The following ADAMTS6 variants were observed in gnomAD, a reference collection of about 807,000 sequenced individuals.
ADAMTS6 encodes A disintegrin and metalloproteinase with thrombospondin motifs 6.
ADAMTS6 carries 23 observed loss-of-function variants against 144.3 expected under a neutral mutation model. The observed-to-expected ratio is 0.16, with a 90% CI of 0.11 to 0.23. The LOEUF (loss-of-function observed/expected upper bound fraction) is 0.23, where lower values mean the gene tolerates loss of function less well. Ranked by LOEUF, ADAMTS6 falls within the 10% of genes least tolerant of loss-of-function variation. The pLI, the probability that ADAMTS6 is intolerant of heterozygous loss-of-function variation, is 1.00. For synonymous variants in ADAMTS6, 444 were observed against 457.5 expected (o/e 0.97, Z 0.38); for missense variants, 999 against 1,379.6 (o/e 0.72, Z 4.37).
At chr5:65,220,466 C>T (rs528354237) in intron 18 of ADAMTS6, among the ~76,000 whole-genome samples, 6 of 152,102 alleles carry the variant, frequency 3.9e-5, no homozygotes, top group Non-Finnish European at 7.4e-5. Flanking sequence ...GGGAATTAGC[C>T]GGGCGCAGTG....
chr5:65,307,407 G>C (rs764290221), intron 9 of ADAMTS6, among the ~76,000 whole-genome samples: 1 of 152,222 alleles, frequency 6.6e-6, no homozygotes, highest in Non-Finnish European at 1.5e-5. Flanking sequence ...CTGAATCTCA[G>C]TGGAGGTCGA....
intron 15 of ADAMTS6, among the ~76,000 whole-genome samples, 161 bp downstream of exon 15, chr5:65,241,943 T>C (rs1340234369): frequency 6.6e-6 from 1 of 152,202 alleles, no homozygotes; most frequent in Non-Finnish European, 1.5e-5. Flanking sequence ...AAATAAACCA[T>C]GAAGCCTTTA....
chr5:65,381,976 A>G (rs1348425274), intron 7 of ADAMTS6, among the ~76,000 whole-genome samples: 1 of 152,222 alleles, frequency 6.6e-6, no homozygotes, highest in Non-Finnish European at 1.5e-5. Flanking sequence ...ATGGTAATAT[A>G]TCATAATGCT....
intron 12 of ADAMTS6, among the ~76,000 whole-genome samples, chr5:65,269,442 C>T (rs182844518): frequency 5.9e-5 from 9 of 152,198 alleles, no homozygotes; most frequent in Admixed American, 1.3e-4. Context: ...CTGTTTAGTA[C>T]TAAAGGGCGA....
chr5:65,417,334 A>G (rs780856091), intron 7 of ADAMTS6, among the ~76,000 whole-genome samples: 8 of 152,134 alleles, frequency 5.3e-5, no homozygotes, highest in African/African-American at 1.2e-4. Context: ...AAGGATGACC[A>G]CTCTCACCAT....
chr5:65,271,378 A>G (rs944873171), intron 12 of ADAMTS6, among the ~76,000 whole-genome samples: 1 of 22,688 alleles, frequency 4.4e-5, no homozygotes, highest in Non-Finnish European at 8.9e-5. Context: ...ACTCCGTCTA[A>G]AAAAAAAAAA....
intron 7 of ADAMTS6, among the ~76,000 whole-genome samples, chr5:65,445,032 T>C (rs1353752617): frequency 6.6e-6 from 1 of 152,220 alleles, no homozygotes; most frequent in Non-Finnish European, 1.5e-5. Context: ...CATCAATACA[T>C]CCATAAAACC....
At chr5:65,418,626 G>A (rs1008658145) in intron 7 of ADAMTS6, among the ~76,000 whole-genome samples, 5 of 152,032 alleles carry the variant, frequency 3.3e-5, no homozygotes, top group African/African-American at 4.8e-5. Context: ...ATGGGAGAAT[G>A]GAAGAAAATA....
rs558197940 is a variant in ADAMTS6 at position 65,460,141 on chromosome 5, C to T, written c.631+29G>A. On this transcript the variant is annotated intron_variant, in intron 4 of 24. Transcript: ENST00000381055. ...GAAAAAGCAGCAATCCAGTACAATA[C>T]GCTTTGTAAAAGCTGCACACTCACT... is the stretch of plus-strand genomic sequence containing the variant. The T allele has an allele frequency of 4.3e-5, 70 of 1,610,930 alleles. No individual in the cohort carries two copies. The East Asian group carries it at 1.4e-3, about 33-fold the overall frequency.
chr5:65,225,957 T>C, intron 16 of ADAMTS6, 129 bp downstream of exon 16: 1 of 999,036 alleles, frequency 1.0e-6, no homozygotes, highest in Non-Finnish European at 1.4e-6. Flanking sequence ...TTACTCTTAA[T>C]GGAAATTGAA....
intron 7 of ADAMTS6, among the ~76,000 whole-genome samples, chr5:65,418,175 T>G (rs1384633522): frequency 6.6e-6 from 1 of 152,106 alleles, no homozygotes; most frequent in East Asian, 1.9e-4. Context: ...ATATTCAAAA[T>G]GAAACTGGGC....
At chr5:65,420,932 C>T (rs1168623802) in intron 7 of ADAMTS6, among the ~76,000 whole-genome samples, 1 of 152,122 alleles carries the variant, frequency 6.6e-6, no homozygotes, top group Non-Finnish European at 1.5e-5. Context: ...ATGTTCTACT[C>T]CTTTACCTCG....
At chr5:65,278,440 C>T (rs1298116044) in intron 11 of ADAMTS6, among the ~76,000 whole-genome samples, 1 of 152,134 alleles carries the variant, frequency 6.6e-6, no homozygotes, top group Non-Finnish European at 1.5e-5. Flanking sequence ...TTTACATGTC[C>T]ATCAGCAATG....
rs774657020 is a variant in ADAMTS6, at chr5:65,197,256, C to T, written c.2576-105G>A. Reference sequence around the variant, plus strand: ...GGAATTGACCTCACTGGATCGCTGCCGTCTTATCTGTTCCACATTGGACTG... The same window carrying T: ...GGAATTGACCTCACTGGATCGCTGCTGTCTTATCTGTTCCACATTGGACTG... On this transcript the variant is annotated intron_variant, in intron 20 of 24. Transcript: ENST00000381055. 3.0e-5 allele frequency: 35 copies of T among 1,164,882 alleles called. 1 individual carries two copies. The highest frequency in any genetic ancestry group is 3.0e-4 in the Middle Eastern group (1 of 3,326). 72.2% of individuals were successfully genotyped at this position (1,164,882 alleles called of 1,614,324 possible). A position where few individuals can be genotyped will look rare whatever the true frequency, so the allele number is the denominator to read the frequency against.
intron 11 of ADAMTS6, among the ~76,000 whole-genome samples, chr5:65,282,507 A>G (rs1209801179): frequency 6.6e-6 from 1 of 152,110 alleles, no homozygotes; most frequent in African/African-American, 2.4e-5. Flanking sequence ...GATCAGGGAA[A>G]AGACCTGGAA....
intron 7 of ADAMTS6, among the ~76,000 whole-genome samples, chr5:65,360,159 C>T (rs564047226): frequency 6.6e-6 from 1 of 152,018 alleles, no homozygotes; most frequent in Non-Finnish European, 1.5e-5. Flanking sequence ...TCTGAGGAGG[C>T]CTTAGGAAAC....
chr5:65,418,537 G>A (rs981104635), intron 7 of ADAMTS6, among the ~76,000 whole-genome samples: 1 of 152,106 alleles, frequency 6.6e-6, no homozygotes, highest in Non-Finnish European at 1.5e-5. Flanking sequence ...AGTACCCCAT[G>A]TACATTTATT....
At position 65,261,442 on chromosome 5, in the gene ADAMTS6, G is replaced by T. The variant is rs183554124; in HGVS notation, c.1767-779C>A. Among the ~76,000 whole-genome samples, 692 of 148,482 alleles carry T rather than the reference G, an allele frequency of 4.7e-3. 3 individuals carry two copies. The highest frequency in any genetic ancestry group is 8.4e-3 in the Non-Finnish European group (564 of 66,930). ...CCAGTTTTTTCCCTTAAGTATCTGG[G>T]TATATTATTTATCACAGGGTTTTTT... is the stretch of plus-strand genomic sequence containing the variant. On this transcript the variant is annotated intron_variant, in intron 13 of 24. Transcript: ENST00000381055.
At chr5:65,457,772 G>C (rs1245890655) in intron 4 of ADAMTS6, among the ~76,000 whole-genome samples, 7 of 137,544 alleles carry the variant, frequency 5.1e-5, no homozygotes, top group African/African-American at 1.1e-4. Context: ...TTTTGAGAAG[G>C]AGTTTCGCTC....
Sources: gnomAD v4.1 joint callset for allele counts (sites outside exome capture counted in the v4.1 genomes callset) on GRCh38, gnomAD v4.1.1 for gene constraint, MANE v1.5 for transcripts, NCBI Gene and HGNC (gene_info 2026-07-23, HGNC 2026-07-21) for gene names.